The following RBFOX3 variants were observed in gnomAD, a reference collection of about 807,000 sequenced individuals.
RBFOX3 encodes RNA binding protein fox-1 homolog 3.
In RBFOX3, 17 loss-of-function variants were observed where a neutral mutation model predicts 48.7. That is an observed-to-expected ratio of 0.35 (90% confidence interval 0.24 to 0.52). The LOEUF is 0.52. Among genes scored for constraint, RBFOX3 ranks in the 20% least tolerant of loss-of-function variants. The probability of loss-of-function intolerance (pLI) is 0.94; values close to 1 mark genes in which losing one functional copy is unlikely to be tolerated. For synonymous variants in RBFOX3, 212 were observed against 209.5 expected (o/e 1.01, Z -0.10); for missense variants, 382 against 497.5 (o/e 0.77, Z 2.21).
chr17:79,378,462 A>G (rs2059488822), intron 2 of RBFOX3, among the ~76,000 whole-genome samples: 2 of 152,240 alleles, frequency 1.3e-5, no homozygotes, highest in African/African-American at 4.8e-5. Context: ...GATTGAGAGC[A>G]TTAAAAAATA....
At chr17:79,167,377 C>T (rs1321493220) in intron 4 of RBFOX3, among the ~76,000 whole-genome samples, 1 of 152,204 alleles carries the variant, frequency 6.6e-6, no homozygotes, top group Non-Finnish European at 1.5e-5. Flanking sequence ...CCTTCTCTCC[C>T]TCTGGGGTCT....
intron 4 of RBFOX3, chr17:79,132,704 T>C (rs1384009912): frequency 6.6e-6 from 1 of 152,120 alleles, no homozygotes; most frequent in Non-Finnish European, 1.5e-5. Flanking sequence ...CAGCTGCTGC[T>C]CACTGGCCCT....
intron 1 of RBFOX3, among the ~76,000 whole-genome samples, chr17:79,591,405 C>T (rs2093412609): frequency 6.6e-6 from 1 of 152,182 alleles, no homozygotes; most frequent in African/African-American, 2.4e-5. Context: ...AATCCTGGCA[C>T]CAAAAAGGAG....
At chr17:79,130,825 G>C (rs2038658993) in intron 4 of RBFOX3, among the ~76,000 whole-genome samples, 1 of 152,250 alleles carries the variant, frequency 6.6e-6, no homozygotes, top group African/African-American at 2.4e-5. Flanking sequence ...TCTAAGCTCT[G>C]GCCTCCCTGC....
the RBFOX3 span, among the ~76,000 whole-genome samples, chr17:79,648,302 G>A: frequency 6.6e-6 from 1 of 152,146 alleles, no homozygotes; most frequent in Non-Finnish European, 1.5e-5. Flanking sequence ...GGGTAATGGA[G>A]ACCTAGAGCT....
chr17:79,415,044 A>G (rs539218942), intron 2 of RBFOX3, among the ~76,000 whole-genome samples: 35 of 152,204 alleles, frequency 2.3e-4, no homozygotes, highest in African/African-American at 8.2e-4. Context: ...CCACATGCGG[A>G]CAAAGACTCA....
chr17:79,595,425 C>T (rs1339696644), intron 1 of RBFOX3, among the ~76,000 whole-genome samples: 1 of 152,238 alleles, frequency 6.6e-6, no homozygotes, highest in Admixed American at 6.5e-5. Context: ...CGAGACAGTG[C>T]ACCAGGTCCA....
chr17:79,115,509 C>G lies in RBFOX3; in HGVS notation c.207G>C (p.Gly69=). ...GSEASTQPIA[G]TQTVPQTDEA... is the part of the protein sequence containing the mutation. ...GGGCCCTTACCGGCACTGTCTGGGT[C>G]CCGGCGATGGGCTGTGTGCTGGCCT... The change falls in exon 5 of 15, where the codon GGG becomes GGC. Residue 69 remains glycine (G), a synonymous_variant. Transcript: ENST00000693108. 1 of 1,335,530 alleles carries G rather than the reference C, an allele frequency of 7.5e-7. No individual in the cohort carries two copies. The highest frequency in any genetic ancestry group is 9.6e-7 in the Non-Finnish European group (1 of 1,042,342). The allele number at this position is 1,335,530 out of a possible 1,614,324, so 82.7% of individuals were successfully genotyped here. A position where few individuals can be genotyped will look rare whatever the true frequency, so the allele number is the denominator to read the frequency against.
At chr17:79,349,663 G>A (rs1025120518) in intron 2 of RBFOX3, among the ~76,000 whole-genome samples, 29 of 152,044 alleles carry the variant, frequency 1.9e-4, no homozygotes, top group African/African-American at 6.8e-4. Flanking sequence ...TGAAGATGAC[G>A]TCCCTGCTTA....
At chr17:79,238,508 A>T (rs2061913919) in intron 3 of RBFOX3, among the ~76,000 whole-genome samples, 1 of 152,028 alleles carries the variant, frequency 6.6e-6, no homozygotes, top group African/African-American at 2.4e-5. Context: ...CTTCTCCTCT[A>T]CTGGCCCAGG....
the RBFOX3 span, among the ~76,000 whole-genome samples, chr17:79,624,279 G>C: frequency 6.6e-6 from 1 of 152,070 alleles, no homozygotes; most frequent in African/African-American, 2.4e-5. Context: ...TCAGCTCCCG[G>C]ATCAGGGTCT....
At chr17:79,387,999 T>C (rs1420078661) in intron 2 of RBFOX3, among the ~76,000 whole-genome samples, 1 of 121,098 alleles carries the variant, frequency 8.3e-6, no homozygotes, top group East Asian at 3.0e-4. Context: ...TGTGAATGTG[T>C]ACGTGTGTGT....
intron 2 of RBFOX3, among the ~76,000 whole-genome samples, chr17:79,397,558 C>T (rs112269797): frequency 3.8e-4 from 58 of 151,736 alleles, no homozygotes; most frequent in African/African-American, 1.1e-3. Context: ...AGAGCCTCCT[C>T]GCATACCTCA....
intron 4 of RBFOX3, among the ~76,000 whole-genome samples, chr17:79,125,598 C>A (rs752039369): frequency 1.1e-4 from 17 of 152,238 alleles, no homozygotes; most frequent in Non-Finnish European, 7.3e-5. Context: ...ATGGTCTGGC[C>A]GTGGATGGAG....
chr17:79,377,659 C>T (rs1303232026), intron 2 of RBFOX3, among the ~76,000 whole-genome samples: 1 of 152,232 alleles, frequency 6.6e-6, no homozygotes, highest in Non-Finnish European at 1.5e-5. Context: ...GGAGGGGCAT[C>T]GAGCTTCTGA....
At chr17:79,603,722 T>C (rs1197974850) in intron 1 of RBFOX3, 2 of 152,286 alleles carry the variant, frequency 1.3e-5, no homozygotes, top group African/African-American at 4.8e-5. Context: ...TGCTCGTTCC[T>C]CTACTAGGTG....
At chr17:79,573,754 G>A (rs1002535886) in intron 1 of RBFOX3, among the ~76,000 whole-genome samples, 94 of 152,186 alleles carry the variant, frequency 6.2e-4, no homozygotes, top group Middle Eastern at 6.8e-3. Flanking sequence ...CCCTCCCCCC[G>A]GCATCACCTG....
chr17:79,595,711 C>T (rs1312943901), intron 1 of RBFOX3, among the ~76,000 whole-genome samples: 4 of 152,198 alleles, frequency 2.6e-5, no homozygotes, highest in African/African-American at 9.7e-5. Context: ...CGAGGGGCTC[C>T]TATGCATTCC....
At chr17:79,273,568 TG>T (rs34392209) in intron 3 of RBFOX3, among the ~76,000 whole-genome samples, 19 of 65,370 alleles carry the variant, frequency 2.9e-4, no homozygotes, top group African/African-American at 1.5e-3. Flanking sequence ...AACAGTGCTC[TG>T]GGGGGGGCGG....
Sources: gnomAD v4.1 joint callset for allele counts (sites outside exome capture counted in the v4.1 genomes callset) on GRCh38, gnomAD v4.1.1 for gene constraint, MANE v1.5 for transcripts, NCBI Gene and HGNC (gene_info 2026-07-23, HGNC 2026-07-21) for gene names.